ADGRV1: variants seen among roughly 807,000 people sequenced by gnomAD.
ADGRV1 encodes adhesion G protein-coupled receptor V1, also known as G-protein coupled receptor 98.
Under a neutral mutation model 596.2 loss-of-function variants are expected in ADGRV1, and 359 were observed. That is an observed-to-expected ratio of 0.60 (90% CI 0.55 to 0.66). ADGRV1 has a LOEUF of 0.66. Ranked by LOEUF, ADGRV1 falls within the 30% of genes least tolerant of loss-of-function variation. The pLI is 0.00. For synonymous variants in ADGRV1, 2,681 were observed against 2,679.2 expected (o/e 1.00, Z -0.02); for missense variants, 7,274 against 7,575.6 (o/e 0.96, Z 1.48).
chr5:90,699,539 C>T (rs1305877447), intron 34 of ADGRV1, among the ~76,000 whole-genome samples: 1 of 152,132 alleles, frequency 6.6e-6, no homozygotes, highest in Admixed American at 6.5e-5. Flanking sequence ...TAGGCATGCA[C>T]TTTTCAGCAG....
At chr5:90,764,765 C>T (rs1756908861) in intron 59 of ADGRV1, among the ~76,000 whole-genome samples, 1 of 152,198 alleles carries the variant, frequency 6.6e-6, no homozygotes, top group Non-Finnish European at 1.5e-5. Flanking sequence ...GGTACAGTGA[C>T]TCTAGAGCAG....
At chr5:90,907,481 T>G (rs1772433248) in intron 83 of ADGRV1, among the ~76,000 whole-genome samples, 1 of 152,164 alleles carries the variant, frequency 6.6e-6, no homozygotes, top group Admixed American at 6.5e-5. Flanking sequence ...AGGCCACATT[T>G]TAGTCCTACC....
rs959624549 is a variant in ADGRV1 at position 90,916,702 on chromosome 5, G to A, written c.17857-48713G>A. On this transcript the variant is annotated intron_variant, in intron 83 of 89. Coordinates refer to ENST00000405460, the MANE Select transcript of ADGRV1 (RefSeq NM_032119.4). ...GGCTGGAGTGCAGTGGCGGGATCTC[G>A]GCTCACTGCAAGCTCCGCCTCCCGG... Among the ~76,000 whole-genome samples the A allele has an allele frequency of 9.0e-4, 125 of 138,704 alleles. 1 individual carries two copies. The highest frequency in any genetic ancestry group is 6.8e-3 in the Admixed American group (87 of 12,834). 91.0% of individuals were successfully genotyped at this position (138,704 alleles called of 152,430 possible). A position where few individuals can be genotyped will look rare whatever the true frequency, so the allele number is the denominator to read the frequency against.
rs1788472452 is a variant in ADGRV1, at chr5:91,072,460, A to G, written c.18166A>G (p.Asn6056Asp). ...TTTCTCTTCCAGGTGTTTTATTCCA[A>G]ACGTCTATGCTGCTTTGTTCACTGC... is the stretch of plus-strand genomic sequence containing the variant. The part of the protein sequence containing the change: ...LIHGDLCFIP[N>D]VYAALFTAAL... Residue 6056 changes from asparagine to aspartate, a missense_variant, in exon 86 of 90, where the codon AAC becomes GAC. By Grantham distance (23) the Asn-to-Asp change is conservative (BLOSUM62 1). This residue lies in a region of ADGRV1 where 1,874 missense variants were observed against 1,970.2 expected (regional missense o/e 0.95). Transcript: ENST00000405460. 6.2e-7 allele frequency: 1 copy of G among 1,613,732 alleles called. No individual in the cohort carries two copies. Among genetic ancestry groups the G allele is most frequent in the Non-Finnish European group, 8.5e-7 (1 of 1,179,690 alleles).
At chr5:90,950,258 G>A (rs1776947519) in intron 83 of ADGRV1, among the ~76,000 whole-genome samples, 1 of 152,136 alleles carries the variant, frequency 6.6e-6, no homozygotes, top group Non-Finnish European at 1.5e-5. Flanking sequence ...TCACTGTGGA[G>A]AGGAAGTATT....
chr5:91,033,971 C>A (rs1671116875), intron 85 of ADGRV1, among the ~76,000 whole-genome samples: 1 of 152,110 alleles, frequency 6.6e-6, no homozygotes, highest in Non-Finnish European at 1.5e-5. Context: ...GTTCATTTAA[C>A]ATTTCTTTTT....
chr5:90,630,903 C>G (rs1208566288), intron 9 of ADGRV1, among the ~76,000 whole-genome samples: 1 of 152,070 alleles, frequency 6.6e-6, no homozygotes, highest in East Asian at 1.9e-4. Flanking sequence ...TGTTTCACAT[C>G]TGTTGTCTGG....
chr5:91,138,334 TG>T (rs1014582249), intron 87 of ADGRV1, among the ~76,000 whole-genome samples: 1 of 152,212 alleles, frequency 6.6e-6, no homozygotes, highest in Non-Finnish European at 1.5e-5. Context: ...ATATCAATTT[TG>T]GGGGGCTTCT....
chr5:91,133,237 G>A (rs1794359147), intron 87 of ADGRV1, among the ~76,000 whole-genome samples: 1 of 152,246 alleles, frequency 6.6e-6, no homozygotes, highest in South Asian at 2.1e-4. Flanking sequence ...GAAGTTGGAG[G>A]TTCAAGAGAT....
intron 1 of ADGRV1, among the ~76,000 whole-genome samples, chr5:90,588,568 G>C (rs1482683989): frequency 6.6e-6 from 1 of 152,186 alleles, no homozygotes; most frequent in African/African-American, 2.4e-5. Flanking sequence ...CCATGACGTA[G>C]AGGTCAGAAA....
intron 85 of ADGRV1, among the ~76,000 whole-genome samples, chr5:91,055,387 A>C (rs1020730596): frequency 2.0e-5 from 2 of 97,814 alleles, no homozygotes; most frequent in Non-Finnish European, 5.3e-5. Flanking sequence ...ACCAATTTGC[A>C]TACTAAAGTT....
At chr5:91,079,381 C>T (rs1443476827) in intron 86 of ADGRV1, among the ~76,000 whole-genome samples, 1 of 152,154 alleles carries the variant, frequency 6.6e-6, no homozygotes, top group Non-Finnish European at 1.5e-5. Context: ...TATGGATGCC[C>T]ATTCTCTGCT....
intron 1 of ADGRV1, among the ~76,000 whole-genome samples, chr5:90,593,394 C>T (rs934195651): frequency 3.3e-5 from 5 of 151,788 alleles, no homozygotes; most frequent in African/African-American, 1.2e-4. Context: ...AGGTGGGAAT[C>T]GAACAATGAG....
chr5:90,587,488 A>G (rs1758911399), intron 1 of ADGRV1, among the ~76,000 whole-genome samples: 1 of 151,952 alleles, frequency 6.6e-6, no homozygotes, highest in East Asian at 1.9e-4. Flanking sequence ...TTCCAGTTTA[A>G]ATTTAACCTT....
chr5:90,614,622 T>A, intron 1 of ADGRV1: 1 of 584,380 alleles, frequency 1.7e-6, no homozygotes, highest in Non-Finnish European at 3.1e-6. Context: ...AAAGTACTTC[T>A]GAATAGTAGA....
intron 53 of ADGRV1, among the ~76,000 whole-genome samples, chr5:90,751,674 G>T (rs2460162): frequency 0.51 from 76,927 of 151,820 alleles, 20,043 homozygotes; most frequent in African/African-American, 0.62. Context: ...CTGTGTATAT[G>T]GCCCAAATGC....
At chr5:91,083,802 A>G (rs1789627356) in intron 86 of ADGRV1, among the ~76,000 whole-genome samples, 1 of 152,176 alleles carries the variant, frequency 6.6e-6, no homozygotes, top group African/African-American at 2.4e-5. Context: ...GTACAGTGGC[A>G]TGCACATATA....
intron 85 of ADGRV1, among the ~76,000 whole-genome samples, chr5:91,045,759 T>A (rs750493443): frequency 7.1e-4 from 108 of 152,234 alleles, no homozygotes; most frequent in Middle Eastern, 3.4e-3. Context: ...TATATGATTG[T>A]TTACCTAGAA....
chr5:91,053,682 A>G (rs1272740837), intron 85 of ADGRV1, among the ~76,000 whole-genome samples: 6 of 152,182 alleles, frequency 3.9e-5, no homozygotes, highest in Non-Finnish European at 1.5e-5. Flanking sequence ...CTTGGCAAAT[A>G]AGATTTCACT....
Sources: allele counts gnomAD v4.1 joint callset (sites outside exome capture counted in the v4.1 genomes callset), GRCh38; gene constraint gnomAD v4.1.1; regional missense constraint gnomAD v4.1.1; transcripts MANE v1.5; gene names NCBI Gene and HGNC (gene_info 2026-07-23, HGNC 2026-07-21).